Variants in SMYD3 observed in about 807,000 individuals in gnomAD.
The protein encoded by SMYD3 is histone-lysine N-methyltransferase SMYD3.
A neutral mutation model predicts 57.7 loss-of-function variants in SMYD3; 36 were observed. The observed-to-expected ratio is 0.62, with a 90% confidence interval of 0.48 to 0.82. SMYD3 has a LOEUF of 0.82. SMYD3 is among the 40% of genes least tolerant of loss of function. The probability of loss-of-function intolerance (pLI) is 0.00; values close to 1 mark genes in which losing one functional copy is unlikely to be tolerated. For missense variants in SMYD3, 515 were observed against 538.8 expected (o/e 0.96, Z 0.44); for synonymous variants, 211 against 195.0 (o/e 1.08, Z -0.68).
chr1:245,965,569 T>C (rs919181987), intron 5 of SMYD3, among the ~76,000 whole-genome samples: 1 of 152,182 alleles, frequency 6.6e-6, no homozygotes, highest in Non-Finnish European at 1.5e-5. Flanking sequence ...AGATTAGTCA[T>C]CAAGCCATCA....
intron 1 of SMYD3, among the ~76,000 whole-genome samples, chr1:246,415,199 C>A (rs2067041997): frequency 6.6e-6 from 1 of 152,182 alleles, no homozygotes; most frequent in Non-Finnish European, 1.5e-5. Context: ...CACAGATACA[C>A]TGTCAACAAT....
intron 5 of SMYD3, among the ~76,000 whole-genome samples, chr1:246,174,213 G>A (rs2062394710): frequency 6.6e-6 from 1 of 152,242 alleles, no homozygotes; most frequent in South Asian, 2.1e-4. Flanking sequence ...TCACTATCAA[G>A]TATTATATAT....
chr1:246,042,208 C>G (rs150148751), intron 5 of SMYD3, among the ~76,000 whole-genome samples: 635 of 152,282 alleles, frequency 4.2e-3, no homozygotes, highest in South Asian at 0.025. Flanking sequence ...TATAGCTCAT[C>G]ATTTGAATTT....
chr1:246,247,601 G>A (rs950871697), intron 5 of SMYD3, among the ~76,000 whole-genome samples: 10 of 150,720 alleles, frequency 6.6e-5, no homozygotes, highest in African/African-American at 2.4e-4. Flanking sequence ...TCTTTTTTCC[G>A]CACTCTGAAC....
chr1:245,939,505 T>C (rs2057133407), intron 5 of SMYD3, among the ~76,000 whole-genome samples: 1 of 152,084 alleles, frequency 6.6e-6, no homozygotes, highest in South Asian at 2.1e-4. Flanking sequence ...CAGGTGTCTG[T>C]AGTCCAAGCT....
At chr1:246,285,703 G>A (rs571667887) in intron 5 of SMYD3, among the ~76,000 whole-genome samples, 1 of 152,272 alleles carries the variant, frequency 6.6e-6, no homozygotes, top group South Asian at 2.1e-4. Flanking sequence ...AGAGTAAACA[G>A]ACAACCCACA....
chr1:245,890,271 A>G (rs1230387531), intron 8 of SMYD3, among the ~76,000 whole-genome samples: 1 of 152,188 alleles, frequency 6.6e-6, no homozygotes, highest in East Asian at 1.9e-4. Flanking sequence ...AGCAAAGAAA[A>G]CAATGAACAA....
intron 8 of SMYD3, among the ~76,000 whole-genome samples, chr1:245,884,716 G>A (rs890710277): frequency 6.6e-6 from 1 of 151,996 alleles, no homozygotes; most frequent in Non-Finnish European, 1.5e-5. Context: ...TCTAGCTAGA[G>A]GATTGTAAAT....
intron 5 of SMYD3, among the ~76,000 whole-genome samples, chr1:246,120,560 GTA>G (rs1360759023): frequency 6.6e-6 from 1 of 152,048 alleles, no homozygotes; most frequent in Non-Finnish European, 1.5e-5. Flanking sequence ...CTAAACATCT[GTA>G]TATGTCTTCT....
At chr1:245,860,759 A>G (rs1167954851) in intron 9 of SMYD3, among the ~76,000 whole-genome samples, 2 of 152,232 alleles carry the variant, frequency 1.3e-5, no homozygotes, top group Non-Finnish European at 2.9e-5. Context: ...TAGGCAACGC[A>G]CTGATTTTGT....
intron 5 of SMYD3, among the ~76,000 whole-genome samples, chr1:246,145,170 T>A (rs2061823940): frequency 6.6e-6 from 1 of 152,188 alleles, no homozygotes; most frequent in Admixed American, 6.5e-5. Context: ...AGACTACACA[T>A]GCCTGGCTCA....
intron 10 of SMYD3, among the ~76,000 whole-genome samples, chr1:245,841,201 T>A (rs1362972576): frequency 1.3e-5 from 2 of 152,236 alleles, no homozygotes; most frequent in Non-Finnish European, 2.9e-5. Flanking sequence ...CCAACTTTTT[T>A]AAAATAAAGA....
chr1:246,174,390 G>A (rs1459694037), intron 5 of SMYD3, among the ~76,000 whole-genome samples: 1 of 152,160 alleles, frequency 6.6e-6, no homozygotes, highest in East Asian at 1.9e-4. Context: ...TGTATACACA[G>A]TCCATCCTTA....
intron 5 of SMYD3, among the ~76,000 whole-genome samples, chr1:245,935,963 A>G (rs1326109508): frequency 6.6e-6 from 1 of 152,208 alleles, no homozygotes; most frequent in Non-Finnish European, 1.5e-5. Flanking sequence ...TGAGATCACC[A>G]CAGCATGATG....
intron 10 of SMYD3, among the ~76,000 whole-genome samples, chr1:245,776,044 T>C (rs534025318): frequency 5.9e-5 from 9 of 152,126 alleles, no homozygotes; most frequent in African/African-American, 2.2e-4. Flanking sequence ...TATGTATCAG[T>C]AGGAGAAACA....
intron 10 of SMYD3, among the ~76,000 whole-genome samples, chr1:245,855,059 G>C (rs1003031469): frequency 2.6e-5 from 4 of 152,130 alleles, no homozygotes. Context: ...TTTAAGGAGT[G>C]GGACAACAGT....
intron 5 of SMYD3, among the ~76,000 whole-genome samples, chr1:246,032,677 G>GA (rs1362392954): frequency 2.0e-5 from 3 of 152,060 alleles, no homozygotes; most frequent in Non-Finnish European, 4.4e-5. Flanking sequence ...CTCTTTTGAG[G>GA]AAAAAAATCA....
intron 1 of SMYD3, among the ~76,000 whole-genome samples, chr1:246,497,068 A>G (rs1230354442): frequency 6.6e-6 from 1 of 152,196 alleles, no homozygotes; most frequent in African/African-American, 2.4e-5. Flanking sequence ...TATTTTTTCT[A>G]TACTAACAAG....
At chr1:246,316,839 T>C (rs144737924) in intron 5 of SMYD3, among the ~76,000 whole-genome samples, 22,605 of 149,938 alleles carry the variant, frequency 0.15, 2,122 homozygotes, top group East Asian at 0.39. Flanking sequence ...ACTAAAAATA[T>C]AAAAATTAGC....
Sources: allele counts gnomAD v4.1 joint callset (sites outside exome capture counted in the v4.1 genomes callset), GRCh38; gene constraint gnomAD v4.1.1; transcripts MANE v1.5; gene names NCBI Gene and HGNC (gene_info 2026-07-23, HGNC 2026-07-21).